ANO2: variants seen among roughly 807,000 people sequenced by gnomAD.
ANO2 encodes anoctamin-2.
Under a neutral mutation model 124.2 loss-of-function variants are expected in ANO2, and 101 were observed. The ratio of observed to expected loss-of-function variants is 0.81; its 90% CI spans 0.69 to 0.96. ANO2 has a LOEUF of 0.96. ANO2 is among the 40% of genes least tolerant of loss of function. The probability of loss-of-function intolerance (pLI) is 0.00; values close to 1 mark genes in which losing one functional copy is unlikely to be tolerated. For missense variants in ANO2, 1,293 were observed against 1,274.5 expected (o/e 1.01, Z -0.22); for synonymous variants, 486 against 482.5 (o/e 1.01, Z -0.09).
chr12:5,843,791 C>A (rs573177405), intron 4 of ANO2, among the ~76,000 whole-genome samples: 2 of 152,178 alleles, frequency 1.3e-5, no homozygotes, highest in African/African-American at 2.4e-5. Flanking sequence ...ACAACCCAAA[C>A]AAGATGCTGG....
chr12:5,817,941 G>T (rs2137193760), intron 7 of ANO2, among the ~76,000 whole-genome samples: 1 of 152,236 alleles, frequency 6.6e-6, no homozygotes, highest in Admixed American at 6.5e-5. Flanking sequence ...GGCCCATGAG[G>T]CAGAAACAGA....
At chr12:5,596,787 G>A (rs1485808719) in intron 20 of ANO2, among the ~76,000 whole-genome samples, 1 of 152,084 alleles carries the variant, frequency 6.6e-6, no homozygotes, top group Non-Finnish European at 1.5e-5. Context: ...ACCATTAAGA[G>A]GAATAACACT....
At chr12:5,906,560 G>T (rs1565768120) in intron 3 of ANO2, among the ~76,000 whole-genome samples, 1 of 152,164 alleles carries the variant, frequency 6.6e-6, no homozygotes, top group East Asian at 1.9e-4. Flanking sequence ...ACTTTGGGAG[G>T]CCAAGGCGGG....
Position 5,658,077 on chromosome 12 carries a change from C to A in ANO2, c.1546-10276G>T, listed in dbSNP as rs1185864725. On this transcript the variant is annotated intron_variant, in intron 14 of 24. Transcript: ENST00000682330. The surrounding 1 kb of genome is among the most constrained non-coding windows in gnomAD (Gnocchi z 4.3). Reference sequence around the variant, plus strand: ...TTGTCTTTCTCTCCCTCTCCTCATCCCCCTTTTCTTCTTCCTTGCTGGAGG... The same window carrying A: ...TTGTCTTTCTCTCCCTCTCCTCATCACCCTTTTCTTCTTCCTTGCTGGAGG... 8.2e-6 allele frequency among the ~76,000 whole-genome samples: 1 copy of A among 122,542 alleles called. No homozygotes were observed. The highest frequency in any genetic ancestry group is 1.8e-5 in the Non-Finnish European group (1 of 56,480). 80.4% of individuals were successfully genotyped at this position (122,542 alleles called of 152,430 possible).
intron 14 of ANO2, among the ~76,000 whole-genome samples, chr12:5,695,635 G>A (rs147755514): frequency 6.6e-6 from 1 of 152,298 alleles, no homozygotes; most frequent in South Asian, 2.1e-4. Flanking sequence ...GAGGTCAGGA[G>A]TTCGAAACCA....
chr12:5,697,993 G>A (rs1054584180), intron 14 of ANO2, among the ~76,000 whole-genome samples: 4 of 152,236 alleles, frequency 2.6e-5, no homozygotes, highest in Non-Finnish European at 5.9e-5. Context: ...ACAGCTCAAG[G>A]AGGCCTGCCT....
intron 3 of ANO2, among the ~76,000 whole-genome samples, chr12:5,916,644 G>A (rs1419475063): frequency 1.3e-5 from 2 of 148,440 alleles, no homozygotes; most frequent in Non-Finnish European, 3.0e-5. Flanking sequence ...TGGGAATGGG[G>A]TAGATGGAAA....
At chr12:5,564,172 G>A (rs940890869) in intron 24 of ANO2, among the ~76,000 whole-genome samples, 5 of 152,096 alleles carry the variant, frequency 3.3e-5, no homozygotes, top group Non-Finnish European at 5.9e-5. Context: ...CAGCCACCTC[G>A]GCTAACCCTG....
At chr12:5,819,390 G>A (rs1165542764) in intron 7 of ANO2, among the ~76,000 whole-genome samples, 4 of 152,206 alleles carry the variant, frequency 2.6e-5, no homozygotes, top group African/African-American at 9.7e-5. Context: ...GGATAATGGT[G>A]GAAGGAACAT....
At chr12:5,803,241 C>T (rs1953096737) in intron 9 of ANO2, among the ~76,000 whole-genome samples, 1 of 152,314 alleles carries the variant, frequency 6.6e-6, no homozygotes, top group South Asian at 2.1e-4. Context: ...TAGCCAGTAA[C>T]CCCACCTCTC....
chr12:5,874,585 T>C (rs1197052804), intron 3 of ANO2, among the ~76,000 whole-genome samples: 4 of 152,200 alleles, frequency 2.6e-5, no homozygotes, highest in Non-Finnish European at 4.4e-5. Flanking sequence ...GCTGCGAGCG[T>C]GCACCTCTGG....
At position 5,754,453 on chromosome 12, in the gene ANO2, CT is replaced by C. The variant is rs527741444; in HGVS notation, c.1056-3484del. Among the ~76,000 whole-genome samples, 9 of 152,266 alleles carry C rather than the reference CT, an allele frequency of 5.9e-5. No homozygotes were observed. The East Asian group carries it at 1.7e-3, about 29-fold the overall frequency. ...CAGGAAGAATTTGTAAGTCTCTCCT[CT>C]TTTCCTGTTTTTTGGAAGACTTTAA... is the stretch of plus-strand genomic sequence containing the variant. On this transcript the variant is annotated intron_variant, in intron 10 of 24. Transcript: ENST00000682330.
intron 14 of ANO2, among the ~76,000 whole-genome samples, chr12:5,687,865 AAAC>A (rs55948227): frequency 2.0e-5 from 3 of 151,446 alleles, no homozygotes; most frequent in African/African-American, 4.9e-5. Context: ...AGGACTGCCA[AAAC>A]AACAACAACA....
intron 1 of ANO2, among the ~76,000 whole-genome samples, chr12:5,932,041 A>AGT: frequency 4.5e-5 from 3 of 66,942 alleles, no homozygotes; most frequent in African/African-American, 1.1e-4. Flanking sequence ...AGAAGACAGA[A>AGT]AAGGAAGGAA....
intron 14 of ANO2, among the ~76,000 whole-genome samples, chr12:5,713,966 G>A (rs1949918205): frequency 6.6e-6 from 1 of 152,178 alleles, no homozygotes; most frequent in Non-Finnish European, 1.5e-5. Flanking sequence ...AGAGAAAGGA[G>A]ACAGAAGGAG....
chr12:5,857,816 A>G lies in ANO2; in HGVS notation c.535-3675T>C, dbSNP rs1198700932. Among the ~76,000 whole-genome samples the G allele has an allele frequency of 2.7e-5, 4 of 147,460 alleles. No individual in the cohort carries two copies. The South Asian group carries it at 6.6e-4, about 24-fold the overall frequency. On this transcript the variant is annotated intron_variant, in intron 3 of 24. Transcript: ENST00000682330. The stretch of plus-strand genomic sequence containing the variant: ...TAGATAGATAGATAGATAGATAGAT[A>G]GATGCCCACTGGAATAGTACTCAGC...
At chr12:5,726,870 T>C (rs1950461112) in intron 14 of ANO2, among the ~76,000 whole-genome samples, 1 of 152,110 alleles carries the variant, frequency 6.6e-6, no homozygotes, top group Non-Finnish European at 1.5e-5. Context: ...CTCTCAGAAC[T>C]GGAGAGGCTG....
intron 13 of ANO2, 185 bp from the exon 14 acceptor site, chr12:5,732,815 G>A: frequency 6.2e-7 from 1 of 1,611,100 alleles, no homozygotes; most frequent in South Asian, 1.1e-5. Context: ...AACACAACGT[G>A]AGGAAGAGAC....
intron 10 of ANO2, 112 bp from the exon 11 acceptor site, chr12:5,751,082 G>C: frequency 9.1e-7 from 1 of 1,100,850 alleles, no homozygotes; most frequent in Non-Finnish European, 1.3e-6. Flanking sequence ...CATTCCTCTT[G>C]TGACGAAAAC....
Sources: allele counts gnomAD v4.1 joint callset (sites outside exome capture counted in the v4.1 genomes callset), GRCh38; gene constraint gnomAD v4.1.1; non-coding constraint Gnocchi (gnomAD v3.1); transcripts MANE v1.5; gene names NCBI Gene and HGNC (gene_info 2026-07-23, HGNC 2026-07-21).